SERPINB2: variants seen among roughly 807,000 people sequenced by gnomAD.
The protein encoded by SERPINB2 is plasminogen activator inhibitor 2.
In SERPINB2, 28 loss-of-function variants were observed where a neutral mutation model predicts 39.4. The ratio of observed to expected loss-of-function variants is 0.71; its 90% CI spans 0.53 to 0.97. The LOEUF is 0.97. SERPINB2 is among the 50% of genes least tolerant of loss of function. The pLI is 0.00. For missense variants in SERPINB2, 557 were observed against 505.3 expected, an observed-to-expected ratio of 1.10 and a Z score of -0.98; for synonymous variants, 209 against 175.1, an observed-to-expected ratio of 1.19 and a Z score of -1.53.
chr18:63,891,409 T>G, intron 1 of SERPINB2, 27 bp from the exon 2 acceptor site: 1 of 1,611,928 alleles, frequency 6.2e-7, no homozygotes, highest in Non-Finnish European at 8.5e-7. Context: ...TTCAGAGCTG[T>G]TTTTTTCTTC....
chr18:63,901,296 A>G (rs2144706221), intron 5 of SERPINB2, among the ~76,000 whole-genome samples: 1 of 152,266 alleles, frequency 6.6e-6, no homozygotes, highest in South Asian at 2.1e-4. Flanking sequence ...TAGGTCTAGT[A>G]TATTTTTTAC....
Position 63,901,882 on chromosome 18 carries a change from G to T in SERPINB2, c.678G>T (p.Ser226=), listed in dbSNP as rs150189388. The change falls in exon 6 of 8, where the codon TCG becomes TCT. Residue 226 remains serine, a splice_region_variant and synonymous_variant. Transcript: ENST00000299502. ...LNGLYPFRVN[S]AQRTPVQMMY... Reference sequence around the variant, plus strand: ...GGCTTTATCCTTTCCGTGTAAACTCGGTATGAGACAACAAAATACATCTTC... The same window carrying T: ...GGCTTTATCCTTTCCGTGTAAACTCTGTATGAGACAACAAAATACATCTTC... The T allele has an allele frequency of 1.3e-6, 2 of 1,592,450 alleles. No homozygotes were observed. Among genetic ancestry groups the T allele is most frequent in the Non-Finnish European group, 1.7e-6 (2 of 1,173,996 alleles).
rs759346853 is a variant in SERPINB2 at position 63,903,348 on chromosome 18, T to G, written c.*43T>G. On this transcript the variant is annotated 3_prime_UTR_variant, in exon 8 of 8. Transcript: ENST00000299502. ...CTGCAAAAGATTTTTGTAGATGAGC[T>G]GTGTGCCTCAGAATTGCTATTTCAA... 6.8e-7 allele frequency: 1 copy of G among 1,470,174 alleles called. No homozygotes were observed. Among genetic ancestry groups the G allele is most frequent in the Non-Finnish European group, 9.0e-7 (1 of 1,111,110 alleles). 91.1% of individuals were successfully genotyped at this position (1,470,174 alleles called of 1,614,324 possible).
At chr18:63,892,380 C>G (rs1339797631) in intron 2 of SERPINB2, among the ~76,000 whole-genome samples, 1 of 152,170 alleles carries the variant, frequency 6.6e-6, no homozygotes, top group Non-Finnish European at 1.5e-5. Flanking sequence ...TGAAATTATG[C>G]CGGACTACTT....
intron 7 of SERPINB2, 46 bp downstream of exon 7, chr18:63,902,614 CGTGAG>C (rs758739937): frequency 5.4e-5 from 81 of 1,498,512 alleles, no homozygotes; most frequent in Middle Eastern, 3.5e-4. Flanking sequence ...ACCTACCTTT[CGTGAG>C]ATGAGATGAA....
rs1307644236 is a variant in SERPINB2 at position 63,902,548 on chromosome 18, G to A, written c.823G>A (p.Val275Met). 4 of 1,613,016 alleles carry A rather than the reference G, an allele frequency of 2.5e-6. No homozygotes were observed. The South Asian group carries it at 4.4e-5, about 18-fold the overall frequency. The change falls in exon 7 of 8, where the codon GTG (valine) becomes ATG (methionine). Residue 275 changes from valine (V) to methionine (M), a missense_variant. Val to Met is a conservative substitution (Grantham distance 21). Transcript: ENST00000299502. ...FLLLPDEIADVSTGLELLESE... is the reference protein window; with the variant it reads ...FLLLPDEIADMSTGLELLESE... Reference sequence around the variant, plus strand: ...GTTGCTTCCAGATGAAATTGCCGATGTGTCCACTGGCTTGGAGCTGGTAAG... The same window carrying A: ...GTTGCTTCCAGATGAAATTGCCGATATGTCCACTGGCTTGGAGCTGGTAAG...
intron 2 of SERPINB2, among the ~76,000 whole-genome samples, chr18:63,891,831 G>C (rs2049928697): frequency 6.6e-6 from 1 of 152,240 alleles, no homozygotes; most frequent in African/African-American, 2.4e-5. Context: ...GCATATGGGA[G>C]TTGAATAGCC....
rs768375650 is a variant in SERPINB2 at position 63,902,393 on chromosome 18, A to T, written c.679-11A>T. The T allele has an allele frequency of 1.3e-6, 2 of 1,533,058 alleles. No homozygotes were observed. Among genetic ancestry groups the T allele is most frequent in the South Asian group, 2.5e-5 (2 of 78,600 alleles). The allele number at this position is 1,533,058 out of a possible 1,614,324, so 95.0% of individuals were successfully genotyped here. ...AATCGACTTCCATATTTTACCTTTT[A>T]ATAATATTAGGCTCAGCGCACACCT... is the stretch of plus-strand genomic sequence containing the variant. On this transcript the variant is annotated splice_polypyrimidine_tract_variant and intron_variant, in intron 6 of 7. Coordinates refer to ENST00000299502, the MANE Select transcript of SERPINB2 (RefSeq NM_002575.3).
chr18:63,901,666 C>T, intron 5 of SERPINB2, 74 bp from the exon 6 acceptor site: 1 of 1,053,242 alleles, frequency 9.5e-7, no homozygotes, highest in South Asian at 2.5e-5. Context: ...AGTTTGATGG[C>T]TACTCAGAAG....
intron 5 of SERPINB2, among the ~76,000 whole-genome samples, chr18:63,898,470 A>G (rs1317629691): frequency 6.6e-6 from 1 of 152,200 alleles, no homozygotes; most frequent in Admixed American, 6.5e-5. Flanking sequence ...TTAGTTTATT[A>G]AGTCATTTAT....
At chr18:63,895,217 G>A in intron 2 of SERPINB2, 47 bp from the exon 3 acceptor site, 1 of 1,604,186 alleles carries the variant, frequency 6.2e-7, no homozygotes, top group Non-Finnish European at 8.5e-7. Flanking sequence ...TAAAAGTTCA[G>A]TAAATCCGTG....
At chr18:63,892,327 C>T (rs762091676) in intron 2 of SERPINB2, among the ~76,000 whole-genome samples, 2 of 152,098 alleles carry the variant, frequency 1.3e-5, no homozygotes, top group Admixed American at 6.6e-5. Context: ...GGTGAATGGA[C>T]GTGGACTCAG....
chr18:63,898,892 C>T (rs968492054), intron 5 of SERPINB2, among the ~76,000 whole-genome samples: 1 of 151,972 alleles, frequency 6.6e-6, no homozygotes, highest in Non-Finnish European at 1.5e-5. Flanking sequence ...GTGTGGAGGG[C>T]CAAGGGAAGG....
intron 5 of SERPINB2, 78 bp downstream of exon 5, chr18:63,897,922 G>A: frequency 1.0e-6 from 1 of 962,792 alleles, no homozygotes; most frequent in South Asian, 1.5e-5. Context: ...CATGAACTTA[G>A]TTAGCCCTCA....
At chr18:63,900,173 T>C (rs2144705144) in intron 5 of SERPINB2, among the ~76,000 whole-genome samples, 1 of 152,352 alleles carries the variant, frequency 6.6e-6, no homozygotes, top group South Asian at 2.1e-4. Flanking sequence ...CAGATTGTTT[T>C]ACCAGCTTTT....
At chr18:63,891,981 T>A (rs188740172) in intron 2 of SERPINB2, among the ~76,000 whole-genome samples, 43 of 152,296 alleles carry the variant, frequency 2.8e-4, no homozygotes, top group Admixed American at 2.4e-3. Flanking sequence ...AGAGCCCTGG[T>A]GGTGTCAGAG....
chr18:63,895,475 A>T, intron 3 of SERPINB2, 92 bp downstream of exon 3: 1 of 1,470,746 alleles, frequency 6.8e-7, no homozygotes, highest in Non-Finnish European at 9.4e-7. Context: ...AAGGAAGCGA[A>T]TATACCCTCC....
Position 63,903,200 on chromosome 18 carries a change from T to G in SERPINB2, c.1143T>G (p.Thr381=). 8.7e-6 allele frequency: 14 copies of G among 1,613,400 alleles called. No homozygotes were observed. The highest frequency in any genetic ancestry group is 1.2e-5 in the Non-Finnish European group (14 of 1,179,602). ...CAGGAGGTGTTATGACAGGGAGAACTGGACATGGAGGCCCACAGTTTGTGG... is the reference window on the plus strand; with the variant it reads ...CAGGAGGTGTTATGACAGGGAGAACGGGACATGGAGGCCCACAGTTTGTGG... The part of the protein sequence containing the change: ...AGTGGVMTGR[T]GHGGPQFVAD... Residue 381 remains threonine, a synonymous_variant, in exon 8 of 8, where the codon ACT becomes ACG. Coordinates refer to ENST00000299502, the MANE Select transcript of SERPINB2 (RefSeq NM_002575.3).
At position 63,891,502 on chromosome 18, in the gene SERPINB2, G is replaced by A; in HGVS notation, c.58G>A (p.Ala20Thr). ...LFALNLFKHL[A>T]KASPTQNLFL... ...TGCCCTCAATTTATTCAAGCATCTG[G>A]CAAAAGCAAGCCCCACCCAGAACCT... The change falls in exon 2 of 8, where the codon GCA becomes ACA. Residue 20 changes from alanine (A) to threonine (T), a missense_variant. By Grantham distance (58) the Ala-to-Thr change is moderately conservative. Transcript: ENST00000299502. 1 of 1,614,070 alleles carries A rather than the reference G, an allele frequency of 6.2e-7. No homozygotes were observed. Among genetic ancestry groups the A allele is most frequent in the Non-Finnish European group, 8.5e-7 (1 of 1,179,994 alleles).
Sources: allele counts gnomAD v4.1 joint callset (sites outside exome capture counted in the v4.1 genomes callset), GRCh38; gene constraint gnomAD v4.1.1; transcripts MANE v1.5; gene names NCBI Gene and HGNC (gene_info 2026-07-23, HGNC 2026-07-21).